HDAC9: variants seen among roughly 807,000 people sequenced by gnomAD.
HDAC9 encodes the protein histone deacetylase 9, also known as MEF-2 interacting transcription repressor (MITR) protein.
In HDAC9, 41 loss-of-function variants were observed where a neutral mutation model predicts 139.4. That is an observed-to-expected ratio of 0.29 (90% CI 0.23 to 0.38). The LOEUF is 0.38. Ranked by LOEUF, HDAC9 falls within the 10% of genes least tolerant of loss-of-function variation. HDAC9 has a pLI of 1.00. For synonymous variants in HDAC9, 517 were observed against 476.2 expected (o/e 1.09, Z -1.12); for missense variants, 1,147 against 1,297.0 (o/e 0.88, Z 1.78).
In HDAC9 at chr7:18,916,096, G is replaced by C. The variant is rs60259655; in HGVS notation, c.2804-19713G>C. Among the ~76,000 whole-genome samples the C allele has an allele frequency of 8.1e-3, 1,228 of 151,538 alleles. 22 individuals carry two copies. Among genetic ancestry groups the C allele is most frequent in the African/African-American group, 0.028 (1,144 of 41,374 alleles). On this transcript the variant is annotated intron_variant, in intron 22 of 25. Transcript: ENST00000686413. ...CATACCCAAACACCTGCATTTGGCT[G>C]TTCTTGCATTTTCTTGGGATGACGG...
chr7:18,969,834 T>C (rs1252991373), intron 24 of HDAC9, among the ~76,000 whole-genome samples: 2 of 152,186 alleles, frequency 1.3e-5, no homozygotes, highest in Non-Finnish European at 2.9e-5. Flanking sequence ...ACGAAAACTT[T>C]TTGACATTTA....
In HDAC9 at chr7:18,404,549, T is replaced by C. The variant is rs367615966; in HGVS notation, c.-41-91713T>C. On this transcript the variant is annotated intron_variant, in intron 1 of 3. Coordinates refer to the HDAC9 transcript ENST00000413509. Reference sequence around the variant, plus strand: ...ATATAATATAATTACTAATGTTGAATTGATTTTACTTCACTTTGTATTCTT... The same window carrying C: ...ATATAATATAATTACTAATGTTGAACTGATTTTACTTCACTTTGTATTCTT... Among the ~76,000 whole-genome samples, 30 of 152,352 alleles carry C rather than the reference T, an allele frequency of 2.0e-4. No homozygotes were observed. In the East Asian group the frequency reaches 2.9e-3, roughly 15 times the overall value.
At chr7:18,262,829 CA>C (rs1329967947) in intron 2 of HDAC9, among the ~76,000 whole-genome samples, 1 of 151,898 alleles carries the variant, frequency 6.6e-6, no homozygotes. Context: ...TAATATTAAT[CA>C]CCAGGGATTA....
intron 1 of HDAC9, among the ~76,000 whole-genome samples, chr7:18,096,174 G>C (rs540726682): frequency 5.1e-4 from 78 of 152,330 alleles, no homozygotes; most frequent in African/African-American, 1.8e-3. Flanking sequence ...AACAGATTAT[G>C]TAGAAGCTAC....
Position 18,626,394 on chromosome 7 carries a change from A to C in HDAC9, c.665-2956A>C, listed in dbSNP as rs550254339. ...AGAACTAGAGTGTTGCAGCTCCAGG[A>C]TTCAGCCCCCATGGGCTTAGAGAAG... On this transcript the variant is annotated intron_variant, in intron 6 of 25. Coordinates refer to ENST00000686413, the MANE Select transcript of HDAC9 (RefSeq NM_178425.4). Among the ~76,000 whole-genome samples the C allele has an allele frequency of 1.6e-3, 241 of 152,320 alleles. 1 individual carries two copies. The highest frequency in any genetic ancestry group is 5.4e-3 in the African/African-American group (225 of 41,578).
upstream of HDAC9, chr7:18,495,636 A>T: frequency 3.1e-6 from 2 of 642,552 alleles, no homozygotes; most frequent in East Asian, 1.4e-4. Flanking sequence ...TTTTTGGCTC[A>T]GGCCGACCAT....
intron 2 of HDAC9, among the ~76,000 whole-genome samples, chr7:18,267,138 A>C (rs546303835): frequency 6.6e-6 from 1 of 152,142 alleles, no homozygotes; most frequent in African/African-American, 2.4e-5. Context: ...TGGCTTTATT[A>C]TGATAGTGTA....
intron 17 of HDAC9, among the ~76,000 whole-genome samples, chr7:18,806,304 A>G (rs1292404995): frequency 6.6e-6 from 1 of 152,230 alleles, no homozygotes; most frequent in Non-Finnish European, 1.5e-5. Flanking sequence ...GTCTTTTGAC[A>G]GGACTCAATG....
chr7:18,835,401 A>G, intron 19 of HDAC9, 66 bp from the exon 20 acceptor site: 1 of 1,496,614 alleles, frequency 6.7e-7, no homozygotes, highest in Non-Finnish European at 9.0e-7. Context: ...ACTAGAAATC[A>G]GAAAGGTTGT....
chr7:18,143,217 G>T (rs1178358), intron 1 of HDAC9, among the ~76,000 whole-genome samples: 4 of 152,074 alleles, frequency 2.6e-5, no homozygotes, highest in Admixed American at 2.6e-4. Context: ...TATTTTGTAG[G>T]AATTGCTGAT....
intron 22 of HDAC9, among the ~76,000 whole-genome samples, chr7:18,909,901 C>CT (rs1313315310): frequency 2.0e-5 from 3 of 151,804 alleles, no homozygotes; most frequent in Non-Finnish European, 4.4e-5. Context: ...ATGCTTTTAG[C>CT]TTTCGTTTTT....
chr7:18,616,955 C>T (rs1314103325), intron 6 of HDAC9, among the ~76,000 whole-genome samples: 2 of 152,156 alleles, frequency 1.3e-5, no homozygotes, highest in South Asian at 2.1e-4. Flanking sequence ...AAAAAATGTA[C>T]GTGCATCTCT....
At chr7:18,634,816 T>A in intron 8 of HDAC9, 74 bp downstream of exon 8, 1 of 850,614 alleles carries the variant, frequency 1.2e-6, no homozygotes, top group Non-Finnish European at 1.9e-6. Context: ...GTGATATTTC[T>A]GAGTTGACCT....
chr7:18,590,319 C>CT lies in HDAC9; in HGVS notation c.265-14dup. ...CTAAAGAAATTGCACACTCTCATGT[C>CT]TTTCTCTTCTCGCAAGTTGCAACAG... On this transcript the variant is annotated splice_polypyrimidine_tract_variant and intron_variant, in intron 3 of 25. Coordinates refer to ENST00000686413, the MANE Select transcript of HDAC9 (RefSeq NM_178425.4). 6.2e-7 allele frequency: 1 copy of CT among 1,611,576 alleles called. No individual in the cohort carries two copies. The highest frequency in any genetic ancestry group is 1.3e-5 in the African/African-American group (1 of 74,978).
intron 16 of HDAC9, among the ~76,000 whole-genome samples, chr7:18,786,345 T>C (rs1424379852): frequency 1.3e-5 from 2 of 152,170 alleles, no homozygotes; most frequent in Admixed American, 6.5e-5. Flanking sequence ...AGTCCCTCCA[T>C]GCCTCCATAG....
intron 6 of HDAC9, among the ~76,000 whole-genome samples, chr7:18,604,434 T>G (rs965844420): frequency 5.3e-5 from 8 of 151,212 alleles, no homozygotes; most frequent in African/African-American, 1.9e-4. Context: ...TGAGACGGAG[T>G]CTTGCTCTGT....
chr7:18,276,089 G>A (rs1201910607), intron 2 of HDAC9, among the ~76,000 whole-genome samples: 1 of 152,094 alleles, frequency 6.6e-6, no homozygotes, highest in African/African-American at 2.4e-5. Context: ...TTTAAAGAAA[G>A]CACCTGGTTG....
chr7:18,807,765 A>G (rs749842393), intron 17 of HDAC9, among the ~76,000 whole-genome samples: 4 of 152,028 alleles, frequency 2.6e-5, no homozygotes, highest in Non-Finnish European at 5.9e-5. Context: ...TCCTAGTTTC[A>G]TACTCTTGTG....
chr7:18,193,606 C>T (rs113967090), intron 2 of HDAC9, among the ~76,000 whole-genome samples: 31 of 152,292 alleles, frequency 2.0e-4, no homozygotes, highest in African/African-American at 7.5e-4. Context: ...CTCCACCTTT[C>T]ACTCATTAGG....
Sources: allele counts gnomAD v4.1 joint callset (sites outside exome capture counted in the v4.1 genomes callset), GRCh38; gene constraint gnomAD v4.1.1; transcripts MANE v1.5; gene names NCBI Gene and HGNC (gene_info 2026-07-23, HGNC 2026-07-21).